UTP11: variants seen among roughly 807,000 people sequenced by gnomAD.
UTP11 encodes the protein probable U3 small nucleolar RNA-associated protein 11.
In UTP11, 29 loss-of-function variants were observed where a neutral mutation model predicts 39.0. The ratio of observed to expected loss-of-function variants is 0.74; its 90% CI spans 0.55 to 1.01. The LOEUF (loss-of-function observed/expected upper bound fraction) is 1.01. Among genes scored for constraint, UTP11 ranks in the 50% least tolerant of loss-of-function variants. The probability of loss-of-function intolerance (pLI) is 0.00; values close to 1 mark genes in which losing one functional copy is unlikely to be tolerated. For synonymous variants in UTP11, 111 were observed against 105.0 expected (o/e 1.06, Z -0.35); for missense variants, 281 against 306.0 (o/e 0.92, Z 0.61).
In UTP11 at chr1:38,023,674, C is replaced by T. The variant is rs769383758; in HGVS notation, c.*46C>T. ...TCATTCTGTATCAAAAATCTGTTGT[C>T]GTTTTCTAGTAACTTCAAATTCCAT... On this transcript the variant is annotated 3_prime_UTR_variant, in exon 8 of 8. Transcript: ENST00000373014. 1.3e-5 allele frequency: 20 copies of T among 1,537,198 alleles called. No individual in the cohort carries two copies. The highest frequency in any genetic ancestry group is 1.7e-4 in the Middle Eastern group (1 of 5,882).
chr1:38,019,907 A>G (rs958309794), intron 6 of UTP11, among the ~76,000 whole-genome samples: 6 of 152,190 alleles, frequency 3.9e-5, no homozygotes, highest in African/African-American at 1.4e-4. Flanking sequence ...GAGGAGGTAT[A>G]GTGGTCAGAA....
chr1:38,015,584 A>G lies in UTP11; in HGVS notation c.64-775A>G, dbSNP rs1362142246. On this transcript the variant is annotated intron_variant, in intron 1 of 7. Coordinates refer to ENST00000373014, the MANE Select transcript of UTP11 (RefSeq NM_016037.4). ...GATTAAATGAAATTGTGTAAGGAGCATAGCACATTGCAAGACCCTGACATA... is the reference window on the plus strand; with the variant it reads ...GATTAAATGAAATTGTGTAAGGAGCGTAGCACATTGCAAGACCCTGACATA... 2.0e-5 allele frequency among the ~76,000 whole-genome samples: 3 copies of G among 152,204 alleles called. No homozygotes were observed. In the East Asian group the frequency reaches 5.8e-4, roughly 29 times the overall value.
chr1:38,017,490 T>G, intron 2 of UTP11, 178 bp from the exon 3 acceptor site: 39 of 468,294 alleles, frequency 8.3e-5, no homozygotes, highest in Middle Eastern at 5.7e-4. Context: ...TGCGAAGACA[T>G]GAGCTCAGCT....
intron 6 of UTP11, among the ~76,000 whole-genome samples, chr1:38,020,812 A>G (rs1646732052): frequency 6.6e-6 from 1 of 152,234 alleles, no homozygotes; most frequent in Non-Finnish European, 1.5e-5. Context: ...AGAATCTGTG[A>G]ATTGTTGAAG....
intron 6 of UTP11, among the ~76,000 whole-genome samples, chr1:38,021,763 G>A (rs1646738768): frequency 6.6e-6 from 1 of 151,974 alleles, no homozygotes; most frequent in African/African-American, 2.4e-5. Flanking sequence ...CGTGGTGGCG[G>A]GCACCTGTAA....
chr1:38,021,454 T>C (rs1045914030), intron 6 of UTP11, among the ~76,000 whole-genome samples: 19 of 152,214 alleles, frequency 1.2e-4, no homozygotes, highest in Admixed American at 2.0e-4. Context: ...TGCAAGGATA[T>C]TTTGTCTGTA....
chr1:38,017,357 T>G, intron 2 of UTP11: 1 of 208,814 alleles, frequency 4.8e-6, no homozygotes. Context: ...CTAAGGAGTT[T>G]TAATTTGTAC....
At chr1:38,022,834 C>CTTTTT in intron 7 of UTP11, 25 bp downstream of exon 7, 1 of 1,214,316 alleles carries the variant, frequency 8.2e-7, no homozygotes, top group Non-Finnish European at 1.1e-6. Flanking sequence ...CCTTAGGCCT[C>CTTTTT]TTTTTTTTTT....
In UTP11 at chr1:38,023,589, C is replaced by T; in HGVS notation, c.723C>T (p.Ser241=). The part of the protein sequence containing the change: ...KVKVKKETVN[S]PAIYKFQSRR... ...AGGTGAAGAAAGAAACGGTGAACTC[C>T]CCAGCTATTTATAAATTTCAGAGTC... Residue 241 remains serine (S), a synonymous_variant, in exon 8 of 8, where the codon TCC becomes TCT. Transcript: ENST00000373014. 2 of 1,611,344 alleles carry T rather than the reference C, an allele frequency of 1.2e-6. No individual in the cohort carries two copies. The highest frequency in any genetic ancestry group is 1.7e-6 in the Non-Finnish European group (2 of 1,178,878).
At chr1:38,019,901 A>C (rs1646727080) in intron 6 of UTP11, among the ~76,000 whole-genome samples, 1 of 152,098 alleles carries the variant, frequency 6.6e-6, no homozygotes, top group East Asian at 1.9e-4. Context: ...TGATCGGAGG[A>C]GGTATAGTGG....
intron 1 of UTP11, among the ~76,000 whole-genome samples, chr1:38,016,002 T>C (rs1646705276): frequency 1.3e-5 from 2 of 152,256 alleles, no homozygotes; most frequent in African/African-American, 4.8e-5. Flanking sequence ...GTTGCCTCCC[T>C]GTTACTATGT....
In UTP11 at chr1:38,018,444, C is replaced by G. The variant is rs1007934420; in HGVS notation, c.229-20C>G. The G allele has an allele frequency of 7.1e-6, 11 of 1,549,252 alleles. No homozygotes were observed. In the East Asian group the frequency reaches 2.2e-4, roughly 32 times the overall value. ...GATTTTAATCTAATAGGGAATATAT[C>G]TTTTAAATTTGGATTTTAGGATGGA... On this transcript the variant is annotated intron_variant, in intron 3 of 7. Coordinates refer to ENST00000373014, the MANE Select transcript of UTP11 (RefSeq NM_016037.4).
intron 1 of UTP11, among the ~76,000 whole-genome samples, chr1:38,013,079 C>T (rs1479803327): frequency 6.6e-6 from 1 of 152,228 alleles, no homozygotes; most frequent in South Asian, 2.1e-4. Context: ...AGGGGTGCCC[C>T]CCTTTCCTTG....
In UTP11 at chr1:38,023,536, C is replaced by T. The variant is rs767139868; in HGVS notation, c.679-9C>T. ...TCTCTTTACTGATCACCTTTTTACT[C>T]TTTTGTAGGATAAAACTCAGAAAGT... On this transcript the variant is annotated splice_polypyrimidine_tract_variant and intron_variant, in intron 7 of 7. Transcript: ENST00000373014. 6.2e-7 allele frequency: 1 copy of T among 1,607,492 alleles called. No individual in the cohort carries two copies. Among genetic ancestry groups the T allele is most frequent in the Non-Finnish European group, 8.5e-7 (1 of 1,177,594 alleles).
Position 38,019,290 on chromosome 1 carries a change from C to T in UTP11, c.474C>T (p.Ala158=). 1 of 1,614,028 alleles carries T rather than the reference C, an allele frequency of 6.2e-7. No individual in the cohort carries two copies. The highest frequency in any genetic ancestry group is 8.5e-7 in the Non-Finnish European group (1 of 1,180,002). Reference sequence around the variant, plus strand: ...ATGTCGCAACTCACCTGCAAACAGCCCCGGAGCTAGTCGACAGAGTCTTTA... The same window carrying T: ...ATGTCGCAACTCACCTGCAAACAGCTCCGGAGCTAGTCGACAGAGTCTTTA... ...QFDVATHLQT[A]PELVDRVFNR... is the part of the protein sequence containing the mutation. Residue 158 remains alanine, a synonymous_variant, in exon 6 of 8, where the codon GCC becomes GCT. Coordinates refer to ENST00000373014, the MANE Select transcript of UTP11 (RefSeq NM_016037.4).
Position 38,022,754 on chromosome 1 carries a change from G to A in UTP11, c.623G>A (p.Arg208Gln). The A allele has an allele frequency of 1.9e-6, 3 of 1,613,950 alleles. No individual in the cohort carries two copies. Among genetic ancestry groups the A allele is most frequent in the South Asian group, 1.1e-5 (1 of 91,072 alleles). ...QYNCLTQRIE[R>Q]EKKLFVIAQK... ...AACTGCCTGACACAGCGGATTGAAC[G>A]AGAGAAGAAATTGTTCGTTATTGCT... Residue 208 changes from arginine to glutamine, a missense_variant, in exon 7 of 8, where the codon CGA (arginine) becomes CAA (glutamine). By Grantham distance (43) the Arg-to-Gln change is conservative (BLOSUM62 1). Transcript: ENST00000373014.
intron 1 of UTP11, 58 bp downstream of exon 1, chr1:38,012,923 C>T: frequency 6.2e-7 from 1 of 1,607,812 alleles, no homozygotes; most frequent in Non-Finnish European, 8.5e-7. Context: ...TACCCTTGCC[C>T]CAACCCTGTC....
At position 38,019,339 on chromosome 1, in the gene UTP11, C is replaced by G. The variant is rs370048607; in HGVS notation, c.523C>G (p.Gln175Glu). 2 of 1,612,780 alleles carry G rather than the reference C, an allele frequency of 1.2e-6. No homozygotes were observed. The highest frequency in any genetic ancestry group is 1.7e-6 in the Non-Finnish European group (2 of 1,179,762). The change falls in exon 6 of 8, where the codon CAG becomes GAG. Residue 175 changes from glutamine (Q) to glutamate (E), a missense_variant. Physicochemically the swap from Gln to Glu is conservative, Grantham distance 29. Coordinates refer to ENST00000373014, the MANE Select transcript of UTP11 (RefSeq NM_016037.4). ...TAATAGGCCCAGGATAGAGACCTTG[C>G]AGAAAGAAAAAGTGAAAGGAGTTAC... is the stretch of plus-strand genomic sequence containing the variant. ...VFNRPRIETLQKEKVKGVTNQ... is the reference protein window; with the variant it reads ...VFNRPRIETLEKEKVKGVTNQ...
intron 2 of UTP11, 55 bp from the exon 3 acceptor site, chr1:38,017,613 T>A: frequency 7.1e-7 from 1 of 1,406,062 alleles, no homozygotes; most frequent in Non-Finnish European, 9.5e-7. Context: ...TTTGGTTTTT[T>A]AAAATTATCT....
Sources: allele counts gnomAD v4.1 joint callset (sites outside exome capture counted in the v4.1 genomes callset), GRCh38; gene constraint gnomAD v4.1.1; transcripts MANE v1.5; gene names NCBI Gene and HGNC (gene_info 2026-07-23, HGNC 2026-07-21).